PDE4D: variants seen among roughly 807,000 people sequenced by gnomAD.
PDE4D encodes the protein 3',5'-cyclic-AMP phosphodiesterase 4D.
Under a neutral mutation model 87.4 loss-of-function variants are expected in PDE4D, and 24 were observed. The observed-to-expected ratio is 0.27, with a 90% confidence interval of 0.20 to 0.39. PDE4D has a LOEUF of 0.39. PDE4D is among the 10% of genes least tolerant of loss of function. The pLI, the probability that PDE4D is intolerant of heterozygous loss-of-function variation, is 1.00. For missense variants in PDE4D, 714 were observed against 1,041.0 expected (o/e 0.69, Z 4.32); for synonymous variants, 384 against 383.2 (o/e 1.00, Z -0.02).
intron 5 of PDE4D, among the ~76,000 whole-genome samples, chr5:59,137,614 C>A (rs191914965): frequency 1.4e-3 from 220 of 151,868 alleles, no homozygotes; most frequent in African/African-American, 5.0e-3. Flanking sequence ...GCAAGCTCCG[C>A]CTCCCGGGTT....
intron 1 of PDE4D, among the ~76,000 whole-genome samples, chr5:59,753,212 A>G (rs767508710): frequency 1.1e-4 from 17 of 152,324 alleles, no homozygotes; most frequent in Non-Finnish European, 1.9e-4. Flanking sequence ...CTAGTGGCAC[A>G]AAGACAAGTT....
chr5:60,049,408 A>C (rs1412875456), intron 2 of PDE4D, among the ~76,000 whole-genome samples: 1 of 152,170 alleles, frequency 6.6e-6, no homozygotes, highest in Non-Finnish European at 1.5e-5. Context: ...GTTGCTGGTG[A>C]GGAACTGCGT....
intron 1 of PDE4D, among the ~76,000 whole-genome samples, chr5:60,484,382 C>T (rs1455612972): frequency 6.6e-6 from 1 of 152,080 alleles, no homozygotes; most frequent in East Asian, 1.9e-4. Context: ...GAACATTCAT[C>T]CTGTTTGAGG....
intron 6 of PDE4D, among the ~76,000 whole-genome samples, chr5:59,024,200 CTTTTTTTTT>C (rs566593585): frequency 8.7e-6 from 1 of 114,858 alleles, no homozygotes; most frequent in Non-Finnish European, 1.7e-5. Flanking sequence ...CTGAATTCTA[CTTTTTTTTT>C]TTTTTTTTTG....
chr5:59,790,012 G>C (rs796158940), intron 1 of PDE4D, among the ~76,000 whole-genome samples: 15 of 152,330 alleles, frequency 9.8e-5, no homozygotes, highest in African/African-American at 3.6e-4. Context: ...ATTGGAGAGA[G>C]TTTGGGGAGG....
At chr5:59,681,917 AAAAT>A (rs1749092831) in intron 1 of PDE4D, among the ~76,000 whole-genome samples, 1 of 151,288 alleles carries the variant, frequency 6.6e-6, no homozygotes, top group Non-Finnish European at 1.5e-5. Context: ...AAAAAAAAAA[AAAAT>A]GAGTTTGGCC....
chr5:59,627,177 C>T (rs1010233036), intron 1 of PDE4D, among the ~76,000 whole-genome samples: 17 of 152,164 alleles, frequency 1.1e-4, no homozygotes. Context: ...GTAATTGTGA[C>T]TTGACTCACT....
intron 1 of PDE4D, among the ~76,000 whole-genome samples, chr5:59,422,410 G>T (rs1794619124): frequency 1.3e-5 from 2 of 152,100 alleles, no homozygotes; most frequent in Admixed American, 6.6e-5. Flanking sequence ...TGTTTCAAAG[G>T]CTGTTAGTAG....
chr5:59,536,996 T>A (rs1446409821), intron 1 of PDE4D, among the ~76,000 whole-genome samples: 2 of 152,236 alleles, frequency 1.3e-5, no homozygotes, highest in African/African-American at 4.8e-5. Flanking sequence ...ATCTGAAGTT[T>A]ACAGAAGATT....
chr5:60,298,315 A>T (rs1753597685), intron 1 of PDE4D, among the ~76,000 whole-genome samples: 1 of 152,188 alleles, frequency 6.6e-6, no homozygotes, highest in South Asian at 2.1e-4. Context: ...GAAGTTATCC[A>T]CCTTCATAGC....
chr5:59,081,161 T>C (rs1415311978), intron 5 of PDE4D, among the ~76,000 whole-genome samples: 1 of 152,178 alleles, frequency 6.6e-6, no homozygotes, highest in Non-Finnish European at 1.5e-5. Context: ...AAGTCATCCA[T>C]AGTATGAAAA....
At chr5:60,385,707 G>C (rs568147072) in intron 1 of PDE4D, among the ~76,000 whole-genome samples, 2 of 152,088 alleles carry the variant, frequency 1.3e-5, no homozygotes, top group East Asian at 3.9e-4. Context: ...ACCTACTAAC[G>C]GTCCCCAAGT....
chr5:58,977,421 T>G (rs1271374305), intron 11 of PDE4D, 76 bp from the exon 12 acceptor site: 1 of 1,413,016 alleles, frequency 7.1e-7, no homozygotes, highest in Non-Finnish European at 9.7e-7. Flanking sequence ...AATTCTGGAT[T>G]TAGGATGTAA....
chr5:59,858,713 A>G (rs753448603), intron 1 of PDE4D, among the ~76,000 whole-genome samples: 1 of 152,204 alleles, frequency 6.6e-6, no homozygotes, highest in Non-Finnish European at 1.5e-5. Context: ...GTTAAAAATA[A>G]TAAATAATTT....
At chr5:60,062,247 C>T (rs537338890) in intron 2 of PDE4D, among the ~76,000 whole-genome samples, 1 of 151,912 alleles carries the variant, frequency 6.6e-6, no homozygotes, top group South Asian at 2.1e-4. Context: ...AAAAAGTGGG[C>T]AAAAACATGA....
intron 1 of PDE4D, among the ~76,000 whole-genome samples, chr5:59,457,605 G>A (rs1162508694): frequency 6.6e-6 from 1 of 152,142 alleles, no homozygotes; most frequent in Admixed American, 6.5e-5. Context: ...TGCAGATGGT[G>A]CAAATGAGAC....
rs1562196034 is a variant in PDE4D at position 60,185,543 on chromosome 5, CAA to C, written c.42+12_42+13del. ...CATGTGTTTAGAAAATAGATGAAAA[CAA>C]AAGTTACTTACACTTTTGCTCCGAG... On this transcript the variant is annotated intron_variant, in intron 2 of 16. Transcript: ENST00000502484. 6.6e-6 allele frequency: 10 copies of C among 1,515,176 alleles called. 1 individual carries two copies. The South Asian group carries it at 7.2e-5, about 11-fold the overall frequency. 93.9% of individuals were successfully genotyped at this position (1,515,176 alleles called of 1,614,324 possible). A position where few individuals can be genotyped will look rare whatever the true frequency, so the allele number is the denominator to read the frequency against.
intron 2 of PDE4D, chr5:60,021,673 G>A (rs569427694): frequency 1.3e-5 from 2 of 152,040 alleles, no homozygotes; most frequent in African/African-American, 4.8e-5. Context: ...GTCAATTACC[G>A]GATGCTCTGT....
At chr5:60,168,534 T>C (rs207466067) in intron 2 of PDE4D, among the ~76,000 whole-genome samples, 9 of 152,198 alleles carry the variant, frequency 5.9e-5, no homozygotes, top group African/African-American at 1.9e-4. Flanking sequence ...CACATATATG[T>C]ATATAGTTGT....
Sources: allele counts gnomAD v4.1 joint callset (sites outside exome capture counted in the v4.1 genomes callset), GRCh38; gene constraint gnomAD v4.1.1; transcripts MANE v1.5; gene names NCBI Gene and HGNC (gene_info 2026-07-23, HGNC 2026-07-21).